Variants in B4GALT6 observed in about 807,000 individuals in gnomAD.
B4GALT6 encodes the protein UDP-Gal:beta-GlcNAc beta-1,4-galactosyltransferase 6.
Under a neutral mutation model 46.3 loss-of-function variants are expected in B4GALT6, and 14 were observed. The observed-to-expected ratio is 0.30, with a 90% CI of 0.20 to 0.47. The LOEUF (loss-of-function observed/expected upper bound fraction) is 0.47. B4GALT6 is among the 20% of genes least tolerant of loss of function. The pLI is 0.99. For missense variants in B4GALT6, 386 were observed against 480.1 expected (o/e 0.80, Z 1.83); for synonymous variants, 168 against 162.0 (o/e 1.04, Z -0.28).
the B4GALT6 span, among the ~76,000 whole-genome samples, chr18:31,702,874 G>A: frequency 4.6e-5 from 7 of 152,282 alleles, no homozygotes; most frequent in Admixed American, 3.9e-4. Flanking sequence ...TGGATATGGA[G>A]GGGAAATGGG....
chr18:31,679,012 A>G (rs895785129), intron 1 of B4GALT6, among the ~76,000 whole-genome samples: 47 of 152,254 alleles, frequency 3.1e-4, no homozygotes, highest in Admixed American at 1.3e-4. Flanking sequence ...AATGCATTTT[A>G]GTCCCAACCA....
intron 2 of B4GALT6, among the ~76,000 whole-genome samples, chr18:31,658,798 T>C (rs368679838): frequency 6.6e-6 from 1 of 152,210 alleles, no homozygotes; most frequent in African/African-American, 2.4e-5. Flanking sequence ...TACTTCATAC[T>C]GTCATTTTTA....
the B4GALT6 span, among the ~76,000 whole-genome samples, chr18:31,713,286 A>AT: frequency 3.3e-5 from 5 of 152,242 alleles, no homozygotes; most frequent in Non-Finnish European, 7.3e-5. Context: ...CAGGAAGTAG[A>AT]GGCTGCAGTG....
intron 3 of B4GALT6, among the ~76,000 whole-genome samples, chr18:31,652,016 C>T (rs1405210447): frequency 2.0e-5 from 3 of 152,090 alleles, no homozygotes; most frequent in Non-Finnish European, 2.9e-5. Flanking sequence ...ATTATCTGCC[C>T]GCCTCGGCCT....
chr18:31,696,077 T>C, the B4GALT6 span, among the ~76,000 whole-genome samples: 1 of 151,924 alleles, frequency 6.6e-6, no homozygotes, highest in Non-Finnish European at 1.5e-5. Flanking sequence ...CTGGGAAACA[T>C]GGAGAGAGAG....
intron 1 of B4GALT6, among the ~76,000 whole-genome samples, chr18:31,681,958 A>G (rs1431551805): frequency 6.6e-6 from 1 of 152,248 alleles, no homozygotes; most frequent in African/African-American, 2.4e-5. Context: ...AAAAATCCAC[A>G]TACATCGAAT....
At chr18:31,683,622 G>A (rs1418181824) in intron 1 of B4GALT6, among the ~76,000 whole-genome samples, 19 of 152,114 alleles carry the variant, frequency 1.2e-4, no homozygotes, top group Non-Finnish European at 2.6e-4. Context: ...TGATAAACCG[G>A]TTAACATTTT....
chr18:31,705,151 A>G, the B4GALT6 span, among the ~76,000 whole-genome samples: 21 of 152,328 alleles, frequency 1.4e-4, 1 homozygote, highest in East Asian at 1.2e-3. Context: ...TTTTACTGCC[A>G]TATATGTTTA....
At position 31,684,328 on chromosome 18, in the gene B4GALT6, A is replaced by G. The variant is rs753182940; in HGVS notation, c.99T>C (p.Tyr33=). ...SLSSSCLYFI[Y]VAPGIANTYL... ...GGTGCTTACCGATGCCTGGGGCCAC[A>G]TAGATGAAGTACAGACAGGACGAAG... The change falls in exon 1 of 9, where the codon TAT becomes TAC. Residue 33 remains tyrosine, a synonymous_variant. Coordinates refer to ENST00000306851, the MANE Select transcript of B4GALT6 (RefSeq NM_004775.5). 3.7e-6 allele frequency: 6 copies of G among 1,613,594 alleles called. No individual in the cohort carries two copies. The highest frequency in any genetic ancestry group is 5.1e-6 in the Non-Finnish European group (6 of 1,179,824).
rs869030382 is a variant in B4GALT6 at position 31,629,447 on chromosome 18, A to ATTTTTTTTTTTTTTTTTTTTTT, written c.776+1490_776+1511dup. ...ATTCTTAGTTTATATGCCCTTTATG[A>ATTTTTTTTTTTTTTTTTTTTTT]TTTTTTTTTTTTTTTTTTTTTTTTT... On this transcript the variant is annotated intron_variant, in intron 6 of 8. Coordinates refer to ENST00000306851, the MANE Select transcript of B4GALT6 (RefSeq NM_004775.5). Among the ~76,000 whole-genome samples the ATTTTTTTTTTTTTTTTTTTTTT allele has an allele frequency of 2.1e-4, 7 of 32,882 alleles. 3 individuals carry two copies. The highest frequency in any genetic ancestry group is 1.8e-4 in the Non-Finnish European group (3 of 16,678). The allele number at this position is 32,882 out of a possible 152,430, so 21.6% of individuals were successfully genotyped here.
the B4GALT6 span, among the ~76,000 whole-genome samples, chr18:31,710,094 C>CAAA: frequency 9.3e-6 from 1 of 107,562 alleles, no homozygotes; most frequent in Non-Finnish European, 2.0e-5. Context: ...GACTTTATCT[C>CAAA]AAAAAAAAAA....
In B4GALT6 at chr18:31,650,895, T is replaced by G. The variant is rs575766764; in HGVS notation, c.347-5416A>C. ...ACCATTCTCCTGCCTCACCCCCGAG[T>G]AGCTGGGACTACAGGCTCCTGCCAT... On this transcript the variant is annotated intron_variant, in intron 3 of 8. Transcript: ENST00000306851. Among the ~76,000 whole-genome samples the G allele has an allele frequency of 2.4e-4, 37 of 152,140 alleles. 1 individual carries two copies. The highest frequency in any genetic ancestry group is 1.7e-3 in the East Asian group (9 of 5,144).
chr18:31,644,706 A>G (rs971427369), intron 4 of B4GALT6, among the ~76,000 whole-genome samples: 4 of 152,220 alleles, frequency 2.6e-5, no homozygotes, highest in Admixed American at 2.6e-4. Flanking sequence ...TTTTTAAAGC[A>G]GCAGAGGCAA....
At chr18:31,723,608 A>G in the B4GALT6 span, among the ~76,000 whole-genome samples, 1 of 152,120 alleles carries the variant, frequency 6.6e-6, no homozygotes, top group Non-Finnish European at 1.5e-5. Context: ...TCACCCCCCA[A>G]AACCCCTCCT....
Position 31,631,155 on chromosome 18 carries a change from A to T in B4GALT6, c.589-9T>A, listed in dbSNP as rs1428911194. Reference sequence around the variant, plus strand: ...AAAGGTTGTGTGCCAGTCTTCATGGAGCAGACCGAGAGAAAAAAATAGAAA... The same window carrying T: ...AAAGGTTGTGTGCCAGTCTTCATGGTGCAGACCGAGAGAAAAAAATAGAAA... On this transcript the variant is annotated splice_polypyrimidine_tract_variant and intron_variant, in intron 5 of 8. Coordinates refer to ENST00000306851, the MANE Select transcript of B4GALT6 (RefSeq NM_004775.5). 6.3e-7 allele frequency: 1 copy of T among 1,589,622 alleles called. No individual in the cohort carries two copies. The highest frequency in any genetic ancestry group is 1.8e-5 in the Admixed American group (1 of 54,812).
At chr18:31,658,130 C>T (rs762742243) in intron 2 of B4GALT6, 41 bp from the exon 3 acceptor site, 3 of 1,249,624 alleles carry the variant, frequency 2.4e-6, no homozygotes, top group East Asian at 4.7e-5. Flanking sequence ...AAAAAAAAGG[C>T]CTTTTGCTTT....
In B4GALT6 at chr18:31,633,260, G is replaced by A. The variant is rs553913682; in HGVS notation, c.589-2114C>T. Among the ~76,000 whole-genome samples the A allele has an allele frequency of 2.0e-5, 3 of 152,186 alleles. No individual in the cohort carries two copies. In the South Asian group the frequency reaches 6.2e-4, roughly 32 times the overall value. On this transcript the variant is annotated intron_variant, in intron 5 of 8. Transcript: ENST00000306851. ...GAAAGCCCTGAGATCCTGGCAGGAA[G>A]AGACACAAGCAGGTGGACGTCGAGA...
chr18:31,686,126 C>G (rs2029912711), upstream of B4GALT6: 1 of 152,230 alleles, frequency 6.6e-6, no homozygotes, highest in Non-Finnish European at 1.5e-5. Flanking sequence ...TTAGCTGTAT[C>G]ACATTGTTCA....
rs74917982 is a variant in B4GALT6, at chr18:31,663,578, G to A, written c.232+2678C>T. On this transcript the variant is annotated intron_variant, in intron 2 of 8. Transcript: ENST00000306851. ...TAAAAACCCCTTTTGGAAATCAAATGTGCTTATAACTATCACAATCTATTT... is the reference window on the plus strand; with the variant it reads ...TAAAAACCCCTTTTGGAAATCAAATATGCTTATAACTATCACAATCTATTT... 2.4e-3 allele frequency among the ~76,000 whole-genome samples: 367 copies of A among 152,308 alleles called. 6 individuals are homozygous for A. The highest frequency in any genetic ancestry group is 8.1e-3 in the African/African-American group (338 of 41,554).
Sources: allele counts gnomAD v4.1 joint callset (sites outside exome capture counted in the v4.1 genomes callset), GRCh38; gene constraint gnomAD v4.1.1; transcripts MANE v1.5; gene names NCBI Gene and HGNC (gene_info 2026-07-23, HGNC 2026-07-21).